The following COL25A1 variants were observed in gnomAD, a reference collection of about 807,000 sequenced individuals.
The protein encoded by COL25A1 is collagen type XXV alpha 1 chain, also known as collagen alpha-1(XXV) chain.
In COL25A1, 103 loss-of-function variants were observed where a neutral mutation model predicts 128.4. The ratio of observed to expected loss-of-function variants is 0.80; its 90% confidence interval spans 0.68 to 0.94. The LOEUF is 0.94. Among genes scored for constraint, COL25A1 ranks in the 40% least tolerant of loss-of-function variants. The pLI, the probability that COL25A1 is intolerant of heterozygous loss-of-function variation, is 0.00. For synonymous variants in COL25A1, 279 were observed against 277.2 expected, an observed-to-expected ratio of 1.01 and a Z score of -0.06; for missense variants, 745 against 840.0, an observed-to-expected ratio of 0.89 and a Z score of 1.40.
intron 8 of COL25A1, among the ~76,000 whole-genome samples, chr4:108,952,655 C>T (rs1255261210): frequency 6.6e-6 from 1 of 152,030 alleles, no homozygotes; most frequent in African/African-American, 2.4e-5. Context: ...GTTGAGGTTG[C>T]CAGGTCAAGG....
chr4:109,073,884 C>T (rs1390320731), intron 3 of COL25A1, among the ~76,000 whole-genome samples: 2 of 152,192 alleles, frequency 1.3e-5, no homozygotes, highest in Non-Finnish European at 2.9e-5. Flanking sequence ...CTAAAAATAA[C>T]AGTTTAATAA....
At chr4:109,132,479 G>C (rs1012268315) in intron 3 of COL25A1, among the ~76,000 whole-genome samples, 3 of 151,900 alleles carry the variant, frequency 2.0e-5, no homozygotes, top group South Asian at 4.1e-4. Flanking sequence ...ATATATAAGA[G>C]AATTTTAAAT....
intron 5 of COL25A1, among the ~76,000 whole-genome samples, chr4:109,029,471 A>T (rs76583551): frequency 0.044 from 6,652 of 152,316 alleles, 278 homozygotes; most frequent in Non-Finnish European, 0.049. Context: ...ACAGCACAGT[A>T]AAATATGTTG....
At chr4:109,226,669 G>A (rs377085204) in intron 3 of COL25A1, among the ~76,000 whole-genome samples, 2 of 151,696 alleles carry the variant, frequency 1.3e-5, no homozygotes, top group East Asian at 3.9e-4. Flanking sequence ...AATCCTAAAA[G>A]ATCAAAATCT....
intron 3 of COL25A1, among the ~76,000 whole-genome samples, chr4:109,267,599 C>T (rs1395814085): frequency 6.6e-6 from 1 of 152,020 alleles, no homozygotes; most frequent in East Asian, 1.9e-4. Flanking sequence ...AGTATATCTC[C>T]TTTATGGATA....
In COL25A1 at chr4:108,863,319, C is replaced by A. The variant is rs1342835457; in HGVS notation, c.1152G>T (p.Lys384Asn). The A allele has an allele frequency of 6.2e-7, 1 of 1,613,456 alleles. No individual in the cohort carries two copies. The highest frequency in any genetic ancestry group is 1.3e-5 in the African/African-American group (1 of 74,868). ...ATTTTCCAGTTTAAGAATAACTCAC[C>A]TTTGGTCCGGGGGCTCCAGGTTCCC... Reference protein sequence around the residue: ...ERGEPGAPGPKGKQGESGTRG... With the variant: ...ERGEPGAPGPNGKQGESGTRG... Residue 384 changes from lysine (K) to asparagine (N), a missense_variant and splice_region_variant, in exon 21 of 38, where the codon AAG becomes AAT. By Grantham distance (94) the Lys-to-Asn change is moderately conservative. Around this residue, in one of 3 missense-constraint regions of COL25A1, gnomAD observed 387 missense variants for 441.9 expected, o/e 0.88. Transcript: ENST00000399132.
intron 5 of COL25A1, among the ~76,000 whole-genome samples, chr4:109,017,229 A>G (rs1238318738): frequency 6.6e-6 from 1 of 152,240 alleles, no homozygotes; most frequent in Non-Finnish European, 1.5e-5. Context: ...CCACTGCAGC[A>G]GTCAGTGTAC....
At chr4:109,228,230 C>T (rs373119387) in intron 3 of COL25A1, among the ~76,000 whole-genome samples, 15 of 152,260 alleles carry the variant, frequency 9.9e-5, no homozygotes, top group African/African-American at 3.1e-4. Context: ...CACAGACACA[C>T]CTAAAATAAT....
intron 27 of COL25A1, among the ~76,000 whole-genome samples, chr4:108,848,211 T>C (rs143374393): frequency 4.3e-4 from 66 of 152,344 alleles, no homozygotes; most frequent in Admixed American, 1.4e-3. Context: ...AAGCATTTAC[T>C]ATCTGGACCT....
At chr4:109,215,882 C>T (rs1295809330) in intron 3 of COL25A1, among the ~76,000 whole-genome samples, 1 of 152,104 alleles carries the variant, frequency 6.6e-6, no homozygotes, top group Non-Finnish European at 1.5e-5. Flanking sequence ...ATTAGCACCC[C>T]TCCTCTGACT....
At chr4:109,281,389 C>G (rs571255245) in intron 3 of COL25A1, among the ~76,000 whole-genome samples, 1 of 147,966 alleles carries the variant, frequency 6.8e-6, no homozygotes, top group East Asian at 2.0e-4. Flanking sequence ...TTTACAATTC[C>G]GTTATTTTCC....
chr4:109,063,380 G>A (rs1319250727), intron 3 of COL25A1, among the ~76,000 whole-genome samples: 1 of 151,980 alleles, frequency 6.6e-6, no homozygotes, highest in African/African-American at 2.4e-5. Flanking sequence ...GCACGTGCCT[G>A]TAATCTCAGC....
chr4:108,823,105 C>T (rs1400706193), intron 35 of COL25A1, among the ~76,000 whole-genome samples: 3 of 152,198 alleles, frequency 2.0e-5, no homozygotes, highest in Non-Finnish European at 4.4e-5. Context: ...TCACAACTCT[C>T]ATTTAGCCTT....
intron 6 of COL25A1, among the ~76,000 whole-genome samples, chr4:109,000,743 C>CAAAAAAAAAAAAAAAAAAAAAAAAAA (rs1180104512): frequency 8.2e-5 from 3 of 36,422 alleles, no homozygotes; most frequent in African/African-American, 3.4e-4. Flanking sequence ...GAGACTCTGT[C>CAAAAAAAAAAAAAAAAAAAAAAAAAA]AAAAAAAAAA....
intron 3 of COL25A1, among the ~76,000 whole-genome samples, chr4:109,267,321 A>G (rs1470819187): frequency 6.6e-6 from 1 of 152,184 alleles, no homozygotes; most frequent in Non-Finnish European, 1.5e-5. Context: ...TCCTGTATTT[A>G]CCTGTTATTT....
chr4:109,104,906 C>T (rs575354635), intron 3 of COL25A1, among the ~76,000 whole-genome samples: 93 of 152,082 alleles, frequency 6.1e-4, no homozygotes, highest in Non-Finnish European at 1.2e-3. Flanking sequence ...TGCAATAATG[C>T]TATTGATTTA....
At chr4:109,288,630 T>C (rs1724123441) in intron 3 of COL25A1, among the ~76,000 whole-genome samples, 1 of 152,146 alleles carries the variant, frequency 6.6e-6, no homozygotes, top group African/African-American at 2.4e-5. Flanking sequence ...CAGCAACTCC[T>C]TCTTTAACAT....
At chr4:109,027,360 C>T (rs1226740399) in intron 5 of COL25A1, among the ~76,000 whole-genome samples, 1 of 152,010 alleles carries the variant, frequency 6.6e-6, no homozygotes, top group Non-Finnish European at 1.5e-5. Flanking sequence ...TTAGCGTGTC[C>T]AGCAACTGAC....
At chr4:109,071,040 C>T (rs1183228649) in intron 3 of COL25A1, among the ~76,000 whole-genome samples, 3 of 152,120 alleles carry the variant, frequency 2.0e-5, no homozygotes, top group African/African-American at 7.2e-5. Context: ...TACCTGACTT[C>T]AAACTATACC....
Sources: allele counts gnomAD v4.1 joint callset (sites outside exome capture counted in the v4.1 genomes callset), GRCh38; gene constraint gnomAD v4.1.1; regional missense constraint gnomAD v4.1.1; transcripts MANE v1.5; gene names NCBI Gene and HGNC (gene_info 2026-07-23, HGNC 2026-07-21).